RAD18: variants seen among roughly 807,000 people sequenced by gnomAD.
The protein encoded by RAD18 is RAD18 E3 ubiquitin protein ligase.
A neutral mutation model predicts 60.4 loss-of-function variants in RAD18; 47 were observed. The observed-to-expected ratio is 0.78, with a 90% CI of 0.62 to 0.99. RAD18 has a LOEUF of 0.99. Among genes scored for constraint, RAD18 ranks in the 50% least tolerant of loss-of-function variants. The pLI is 0.00. For missense variants in RAD18, 640 were observed against 593.3 expected (o/e 1.08, Z -0.82); for synonymous variants, 225 against 195.5 (o/e 1.15, Z -1.26).
chr3:8,954,853 T>C (rs1940982419), intron 2 of RAD18, among the ~76,000 whole-genome samples: 1 of 152,096 alleles, frequency 6.6e-6, no homozygotes, highest in South Asian at 2.1e-4. Context: ...ATTAAAACAC[T>C]AAAGACCCAG....
intron 2 of RAD18, among the ~76,000 whole-genome samples, chr3:8,953,656 G>A (rs1052154420): frequency 1.3e-5 from 2 of 152,170 alleles, no homozygotes; most frequent in African/African-American, 4.8e-5. Flanking sequence ...GGGCAGAGTG[G>A]AGGAAGGTAC....
rs1940950800 is a variant in RAD18, at chr3:8,952,989, GATCAAAATTC to G, written c.134-4429_134-4420del. Among the ~76,000 whole-genome samples the G allele has an allele frequency of 3.3e-5, 5 of 152,168 alleles. No homozygotes were observed. The South Asian group carries it at 1.0e-3, about 32-fold the overall frequency. ...TATACCTATCTCTAGCCTGGGAAAA[GATCAAAATTC>G]AAAATTCAAAGTATGGTTTCTACTG... On this transcript the variant is annotated intron_variant, in intron 2 of 12. Coordinates refer to ENST00000264926, the MANE Select transcript of RAD18 (RefSeq NM_020165.4).
chr3:8,951,582 T>G (rs1940925388), intron 2 of RAD18, among the ~76,000 whole-genome samples: 1 of 152,240 alleles, frequency 6.6e-6, no homozygotes, highest in Admixed American at 6.5e-5. Flanking sequence ...TGTGAAACTG[T>G]AATAAAAACT....
rs1941123454 is a variant in RAD18, at chr3:8,963,440, C to G, written c.-55G>C. 1.3e-6 allele frequency: 2 copies of G among 1,482,818 alleles called. No homozygotes were observed. Among genetic ancestry groups the G allele is most frequent in the Non-Finnish European group, 1.8e-6 (2 of 1,087,600 alleles). 91.9% of individuals were successfully genotyped at this position (1,482,818 alleles called of 1,614,324 possible). On this transcript the variant is annotated 5_prime_UTR_variant, in exon 1 of 13. Coordinates refer to ENST00000264926, the MANE Select transcript of RAD18 (RefSeq NM_020165.4). ...CACCCACTAGCCTCCGGCGCTCCAA[C>G]ACCACTCGAAATTCCCCGCGCTACC...
chr3:8,915,818 C>A (rs990655321), intron 7 of RAD18, among the ~76,000 whole-genome samples: 29 of 152,142 alleles, frequency 1.9e-4, no homozygotes, highest in Non-Finnish European at 2.8e-4. Context: ...CTCCTGACCT[C>A]GTGATCCACC....
At chr3:8,915,886 C>T (rs529061631) in intron 7 of RAD18, among the ~76,000 whole-genome samples, 1 of 152,274 alleles carries the variant, frequency 6.6e-6, no homozygotes, top group East Asian at 1.9e-4. Context: ...CCTGGCCTTG[C>T]AGGCTATTTT....
chr3:8,940,467 T>C (rs1404578877), intron 5 of RAD18, among the ~76,000 whole-genome samples: 1 of 152,142 alleles, frequency 6.6e-6, no homozygotes, highest in African/African-American at 2.4e-5. Flanking sequence ...TTATATATCT[T>C]TAAAAGATGT....
chr3:8,916,553 C>T (rs1940202934), intron 7 of RAD18, among the ~76,000 whole-genome samples: 1 of 151,690 alleles, frequency 6.6e-6, no homozygotes, highest in Non-Finnish European at 1.5e-5. Flanking sequence ...GAAAAAGCAG[C>T]AAATTATGAT....
chr3:8,928,658 A>G (rs2125062094), intron 7 of RAD18, among the ~76,000 whole-genome samples: 1 of 152,362 alleles, frequency 6.6e-6, no homozygotes, highest in East Asian at 1.9e-4. Flanking sequence ...TGAAAAATCT[A>G]TAAATATAGT....
intron 7 of RAD18, among the ~76,000 whole-genome samples, chr3:8,914,100 C>T (rs1302498468): frequency 6.6e-6 from 1 of 152,166 alleles, no homozygotes; most frequent in African/African-American, 2.4e-5. Flanking sequence ...AAATGCAGTA[C>T]AACAGGCTAC....
chr3:8,949,568 C>T (rs529220490), intron 2 of RAD18, among the ~76,000 whole-genome samples: 3 of 152,266 alleles, frequency 2.0e-5, no homozygotes, highest in Admixed American at 2.0e-4. Flanking sequence ...CCACTCTGTC[C>T]TAACAAGTAA....
Position 8,912,326 on chromosome 3 carries a change from A to C in RAD18, c.1013T>G (p.Ile338Ser). The C allele has an allele frequency of 6.4e-7, 1 of 1,565,458 alleles. No homozygotes were observed. The highest frequency in any genetic ancestry group is 8.6e-7 in the Non-Finnish European group (1 of 1,156,914). Residue 338 changes from isoleucine (I) to serine (S), a missense_variant, in exon 9 of 13, where the codon ATC (isoleucine) becomes AGC (serine). Coordinates refer to ENST00000264926, the MANE Select transcript of RAD18 (RefSeq NM_020165.4). ...GTGCAACTTACGATATTTACTGTGG[A>C]TTTCATCTATTTCCTTTTCTGTTTG... Reference protein sequence around the residue: ...KDQTEKEIDEIHSKYRKKHKS... With the variant: ...KDQTEKEIDESHSKYRKKHKS...
At chr3:8,915,764 T>C (rs372926207) in intron 7 of RAD18, among the ~76,000 whole-genome samples, 2 of 152,130 alleles carry the variant, frequency 1.3e-5, no homozygotes, top group East Asian at 1.9e-4. Context: ...TCTGTATTTT[T>C]AGTAGAGACA....
chr3:8,898,380 G>C (rs928469553), intron 11 of RAD18, among the ~76,000 whole-genome samples: 12 of 65,228 alleles, frequency 1.8e-4, no homozygotes, highest in African/African-American at 6.1e-4. Flanking sequence ...GTGTGTGCAT[G>C]CGTGTGTGTG....
intron 6 of RAD18, among the ~76,000 whole-genome samples, chr3:8,936,615 A>G (rs372184213): frequency 2.6e-5 from 4 of 152,204 alleles, no homozygotes; most frequent in African/African-American, 9.6e-5. Flanking sequence ...AGGTCATTAC[A>G]CTTGCTATCA....
chr3:8,944,453 T>C (rs1181479281), intron 4 of RAD18, among the ~76,000 whole-genome samples: 1 of 151,908 alleles, frequency 6.6e-6, no homozygotes, highest in East Asian at 1.9e-4. Context: ...GGAGGATCCC[T>C]TGAGCCCAAG....
At chr3:8,941,925 G>T (rs1940754296) in intron 4 of RAD18, 121 bp from the exon 5 acceptor site, 1 of 923,830 alleles carries the variant, frequency 1.1e-6, no homozygotes, top group Non-Finnish European at 1.6e-6. Flanking sequence ...ATACTATAAT[G>T]ACAACCAAAC....
chr3:8,963,431 G>A lies in RAD18; in HGVS notation c.-46C>T, dbSNP rs754485106. The stretch of plus-strand genomic sequence containing the variant: ...GGGGTCAGCCACCCACTAGCCTCCG[G>A]CGCTCCAACACCACTCGAAATTCCC... On this transcript the variant is annotated 5_prime_UTR_variant, in exon 1 of 13. Transcript: ENST00000264926. 6.6e-7 allele frequency: 1 copy of A among 1,524,164 alleles called. No homozygotes were observed. The highest frequency in any genetic ancestry group is 8.9e-7 in the Non-Finnish European group (1 of 1,117,476). 94.4% of individuals were successfully genotyped at this position (1,524,164 alleles called of 1,614,324 possible). A position where few individuals can be genotyped will look rare whatever the true frequency, so the allele number is the denominator to read the frequency against.
chr3:8,893,731 TCTGTCA>T (rs1939738048), intron 11 of RAD18, among the ~76,000 whole-genome samples: 1 of 146,724 alleles, frequency 6.8e-6, no homozygotes, highest in Non-Finnish European at 1.5e-5. Flanking sequence ...AGGGTGTTGC[TCTGTCA>T]CTCAGGCTGG....
Sources: gnomAD v4.1 joint callset for allele counts (sites outside exome capture counted in the v4.1 genomes callset) on GRCh38, gnomAD v4.1.1 for gene constraint, MANE v1.5 for transcripts, NCBI Gene and HGNC (gene_info 2026-07-23, HGNC 2026-07-21) for gene names.